Variants in ANKRD33B observed in about 807,000 individuals in gnomAD.
ANKRD33B encodes ankyrin repeat domain-containing protein 33B.
In ANKRD33B, 6 loss-of-function variants were observed where a neutral mutation model predicts 21.5. That is an observed-to-expected ratio of 0.28 (90% CI 0.15 to 0.55). The LOEUF is 0.55. ANKRD33B is among the 20% of genes least tolerant of loss of function. The probability of loss-of-function intolerance (pLI) is 0.94; values close to 1 mark genes in which losing one functional copy is unlikely to be tolerated. For synonymous variants in ANKRD33B, 347 were observed against 342.4 expected (o/e 1.01, Z -0.15); for missense variants, 698 against 747.2 (o/e 0.93, Z 0.77).
At chr5:10,643,735 G>T (rs188367183) in intron 3 of ANKRD33B, among the ~76,000 whole-genome samples, 1 of 148,628 alleles carries the variant, frequency 6.7e-6, no homozygotes, top group Non-Finnish European at 1.5e-5. Flanking sequence ...CAAGAGAATC[G>T]CTTGAACCTA....
At chr5:10,577,763 T>G (rs543119024) in intron 1 of ANKRD33B, among the ~76,000 whole-genome samples, 1 of 152,358 alleles carries the variant, frequency 6.6e-6, no homozygotes, top group Admixed American at 6.5e-5. Context: ...AATTCAGCTT[T>G]TGTCTCTGGT....
At chr5:10,578,362 T>G (rs1402394513) in intron 1 of ANKRD33B, among the ~76,000 whole-genome samples, 1 of 152,214 alleles carries the variant, frequency 6.6e-6, no homozygotes, top group Non-Finnish European at 1.5e-5. Flanking sequence ...GAATTTCTCC[T>G]TTAGCACTAT....
At chr5:10,574,115 CAT>C (rs1735264509) in intron 1 of ANKRD33B, among the ~76,000 whole-genome samples, 1 of 152,268 alleles carries the variant, frequency 6.6e-6, no homozygotes, top group Non-Finnish European at 1.5e-5. Flanking sequence ...TACACACACA[CAT>C]ACACACATAT....
chr5:10,595,022 C>G (rs1238163541), intron 1 of ANKRD33B, among the ~76,000 whole-genome samples: 1 of 152,170 alleles, frequency 6.6e-6, no homozygotes, highest in African/African-American at 2.4e-5. Flanking sequence ...GCAAGTAACT[C>G]AAGAGCTGCA....
chr5:10,622,052 A>G (rs986205032), intron 2 of ANKRD33B, among the ~76,000 whole-genome samples: 1 of 152,252 alleles, frequency 6.6e-6, no homozygotes, highest in Non-Finnish European at 1.5e-5. Context: ...ATAAATGTCT[A>G]TTGTTTAAGC....
intron 1 of ANKRD33B, among the ~76,000 whole-genome samples, chr5:10,616,595 T>G (rs1736289653): frequency 6.8e-6 from 1 of 146,124 alleles, no homozygotes; most frequent in African/African-American, 2.5e-5. Flanking sequence ...TGGTGAAGAT[T>G]GGGCTGGGCC....
intron 2 of ANKRD33B, among the ~76,000 whole-genome samples, chr5:10,628,880 C>T (rs1169916405): frequency 2.0e-5 from 3 of 152,148 alleles, no homozygotes; most frequent in Admixed American, 6.5e-5. Flanking sequence ...AGGGATGGCT[C>T]ATCAGGTCAC....
intron 1 of ANKRD33B, among the ~76,000 whole-genome samples, chr5:10,610,409 C>T (rs576484994): frequency 2.6e-5 from 4 of 151,998 alleles, no homozygotes; most frequent in Non-Finnish European, 4.4e-5. Flanking sequence ...CAGCCCCCCC[C>T]CCGAATAAAG....
chr5:10,602,115 C>T (rs1206451413), intron 1 of ANKRD33B, among the ~76,000 whole-genome samples: 1 of 128,898 alleles, frequency 7.8e-6, no homozygotes, highest in African/African-American at 2.5e-5. Context: ...ACAAGCTGAG[C>T]TCTGTGTCCT....
chr5:10,589,951 CT>C (rs56400636), intron 1 of ANKRD33B, among the ~76,000 whole-genome samples: 8,149 of 144,978 alleles, frequency 0.056, 273 homozygotes, highest in Middle Eastern at 0.1. Flanking sequence ...TCTTTTAAAT[CT>C]TTTTTTTTTT....
chr5:10,574,281 T>G (rs1205362708), intron 1 of ANKRD33B, among the ~76,000 whole-genome samples: 1 of 152,242 alleles, frequency 6.6e-6, no homozygotes, highest in Non-Finnish European at 1.5e-5. Flanking sequence ...TTGACTTAAT[T>G]TGGAGAAAAA....
At chr5:10,643,493 C>T (rs1317229222) in intron 3 of ANKRD33B, among the ~76,000 whole-genome samples, 3 of 152,026 alleles carry the variant, frequency 2.0e-5, no homozygotes, top group African/African-American at 7.2e-5. Context: ...CTCTTCCTCG[C>T]TTGTTCTGTA....
At chr5:10,569,769 C>CGATG (rs1411384130) in intron 1 of ANKRD33B, among the ~76,000 whole-genome samples, 1 of 152,116 alleles carries the variant, frequency 6.6e-6, no homozygotes, top group Non-Finnish European at 1.5e-5. Context: ...ATGGGCTTGG[C>CGATG]GATGGGTGGG....
chr5:10,605,095 G>T (rs1736017570), intron 1 of ANKRD33B, among the ~76,000 whole-genome samples: 1 of 152,224 alleles, frequency 6.6e-6, no homozygotes, highest in Non-Finnish European at 1.5e-5. Flanking sequence ...GGTGCTGGCA[G>T]TTAGCTGGGG....
rs1361482853 is a variant in ANKRD33B at position 10,576,546 on chromosome 5, A to G, written c.366+11713A>G. Among the ~76,000 whole-genome samples the G allele has an allele frequency of 6.6e-6, 1 of 152,224 alleles. No homozygotes were observed. Among genetic ancestry groups the G allele is most frequent in the East Asian group, 1.9e-4 (1 of 5,204 alleles). On this transcript the variant is annotated intron_variant, in intron 1 of 3. Transcript: ENST00000296657. The surrounding 1 kb of genome is among the most constrained non-coding windows in gnomAD (Gnocchi z 4.1). ...GATCTTTAGTTTCCTTTAGATACCC[A>G]TCTAGAAACTGGGAGGCTTACTATG...
intron 1 of ANKRD33B, among the ~76,000 whole-genome samples, chr5:10,612,287 G>A (rs1579733985): frequency 6.6e-6 from 1 of 152,222 alleles, no homozygotes; most frequent in East Asian, 1.9e-4. Flanking sequence ...AGGCTGGGAA[G>A]TCCAAGATCA....
chr5:10,581,193 C>G (rs1344114335), intron 1 of ANKRD33B, among the ~76,000 whole-genome samples: 1 of 152,248 alleles, frequency 6.6e-6, no homozygotes, highest in African/African-American at 2.4e-5. Context: ...GCCACTGAGA[C>G]TTCTCATGAC....
At chr5:10,638,549 G>A (rs1431952691) in intron 3 of ANKRD33B, among the ~76,000 whole-genome samples, 2 of 152,240 alleles carry the variant, frequency 1.3e-5, no homozygotes, top group African/African-American at 4.8e-5. Context: ...GGGATGGTGG[G>A]AACGGCCCAG....
intron 1 of ANKRD33B, among the ~76,000 whole-genome samples, chr5:10,565,801 C>T (rs890260474): frequency 6.6e-6 from 1 of 152,244 alleles, no homozygotes; most frequent in African/African-American, 2.4e-5. Context: ...GCAGCGTTCT[C>T]ACCTGATTTT....
Sources: gnomAD v4.1 joint callset for allele counts (sites outside exome capture counted in the v4.1 genomes callset) on GRCh38, gnomAD v4.1.1 for gene constraint, Gnocchi (gnomAD v3.1) non-coding constraint, MANE v1.5 for transcripts, NCBI Gene and HGNC (gene_info 2026-07-23, HGNC 2026-07-21) for gene names.